Variants in SAXO1 observed in about 807,000 individuals in gnomAD.
The protein encoded by SAXO1 is stabilizer of axonemal microtubules 1.
In SAXO1, 21 loss-of-function variants were observed where a neutral mutation model predicts 17.5. The observed-to-expected ratio is 1.20, with a 90% CI of 0.85 to 1.72. SAXO1 has a LOEUF of 1.72. SAXO1 is among the 40% of genes most tolerant of loss of function. SAXO1 has a pLI of 0.00. For synonymous variants in SAXO1, 274 were observed against 216.5 expected (o/e 1.27, Z -2.33); for missense variants, 843 against 596.0 (o/e 1.41, Z -4.32).
intron 1 of SAXO1, chr9:19,027,683 T>C: frequency 7.4e-7 from 1 of 1,352,188 alleles, no homozygotes; most frequent in South Asian, 1.2e-5. Context: ...CTCCATCATC[T>C]TCACTGATGA....
intron 3 of SAXO1, among the ~76,000 whole-genome samples, chr9:18,931,913 T>A (rs1224814739): frequency 6.6e-6 from 1 of 152,254 alleles, no homozygotes; most frequent in African/African-American, 2.4e-5. Flanking sequence ...ATACAAATCT[T>A]ACACCAGGTA....
At chr9:18,973,588 T>A (rs1435882606) in intron 1 of SAXO1, among the ~76,000 whole-genome samples, 1 of 152,220 alleles carries the variant, frequency 6.6e-6, no homozygotes, top group Non-Finnish European at 1.5e-5. Flanking sequence ...ATGTGCCTGG[T>A]GCTGCACTGG....
At chr9:18,960,824 T>C (rs1002771880) in intron 1 of SAXO1, among the ~76,000 whole-genome samples, 2 of 152,134 alleles carry the variant, frequency 1.3e-5, no homozygotes. Flanking sequence ...AATACATACT[T>C]TATGATTTAA....
intron 1 of SAXO1, among the ~76,000 whole-genome samples, chr9:19,015,133 C>T (rs925557901): frequency 3.9e-5 from 6 of 152,172 alleles, no homozygotes; most frequent in African/African-American, 1.4e-4. Context: ...CAGACAGCAT[C>T]TTTACCTTGC....
Position 18,928,586 on chromosome 9 carries a change from G to T in SAXO1, c.891C>A (p.Pro297=). Residue 297 remains proline (P), a synonymous_variant, in exon 4 of 4, where the codon CCC becomes CCA. Transcript: ENST00000380534. ...FSKAPITYVP[P]EDRMDLLTTV... ...TTGTCAGAAGATCCATCCTGTCTTC[G>T]GGAGGGACGTAGGTGATGGGAGCTT... 1 of 1,614,164 alleles carries T rather than the reference G, an allele frequency of 6.2e-7. No homozygotes were observed. The highest frequency in any genetic ancestry group is 8.5e-7 in the Non-Finnish European group (1 of 1,180,028).
At chr9:18,933,846 A>T (rs1461545031) in intron 3 of SAXO1, among the ~76,000 whole-genome samples, 10 of 152,202 alleles carry the variant, frequency 6.6e-5, no homozygotes, top group South Asian at 2.1e-4. Flanking sequence ...GGAGATCAAG[A>T]CCATCCTGGC....
intron 3 of SAXO1, among the ~76,000 whole-genome samples, chr9:18,938,933 T>C (rs1054314528): frequency 1.9e-4 from 29 of 151,656 alleles, no homozygotes; most frequent in African/African-American, 6.8e-4. Flanking sequence ...CATATAGACC[T>C]CCTCCATCCT....
chr9:19,030,088 G>C (rs1210222353), intron 1 of SAXO1, among the ~76,000 whole-genome samples: 1 of 152,196 alleles, frequency 6.6e-6, no homozygotes. Context: ...GGGAGCCACA[G>C]GGCTGGGTTA....
At chr9:18,981,228 A>G (rs1387042908) in intron 1 of SAXO1, among the ~76,000 whole-genome samples, 1 of 152,206 alleles carries the variant, frequency 6.6e-6, no homozygotes, top group Non-Finnish European at 1.5e-5. Flanking sequence ...GAAGGGAAAG[A>G]AAGGAAGAGA....
At chr9:19,027,591 GC>G (rs1024598552) in intron 1 of SAXO1, 7 of 1,417,036 alleles carry the variant, frequency 4.9e-6, no homozygotes, top group East Asian at 4.6e-5. Context: ...AAGCTGACTG[GC>G]CCCCAGCTGG....
At position 18,927,968 on chromosome 9, in the gene SAXO1, G is replaced by T; in HGVS notation, c.*84C>A. ...TGTTTTTTGTTTTTTGTCATTTTAG[G>T]GAATTCTTTTTTGTCCAACAAATAA... On this transcript the variant is annotated 3_prime_UTR_variant, in exon 4 of 4. Transcript: ENST00000380534. The T allele has an allele frequency of 2.1e-6, 3 of 1,411,536 alleles. No homozygotes were observed. The highest frequency in any genetic ancestry group is 3.4e-5 in the South Asian group (2 of 59,044). 87.4% of individuals were successfully genotyped at this position (1,411,536 alleles called of 1,614,324 possible). A position where few individuals can be genotyped will look rare whatever the true frequency, so the allele number is the denominator to read the frequency against.
chr9:19,022,243 C>A (rs1835270281), intron 1 of SAXO1, among the ~76,000 whole-genome samples: 1 of 152,298 alleles, frequency 6.6e-6, no homozygotes, highest in Non-Finnish European at 1.5e-5. Flanking sequence ...GATCACCAAC[C>A]CACTGGAAGG....
intron 1 of SAXO1, among the ~76,000 whole-genome samples, chr9:19,020,378 T>G (rs1178465809): frequency 6.6e-6 from 1 of 151,758 alleles, no homozygotes; most frequent in Non-Finnish European, 1.5e-5. Context: ...GGGTCTTGCC[T>G]TGTTTCCTGG....
At chr9:19,023,195 T>C (rs976109560) in intron 1 of SAXO1, among the ~76,000 whole-genome samples, 3 of 136,738 alleles carry the variant, frequency 2.2e-5, no homozygotes, top group African/African-American at 5.4e-5. Context: ...CATTTTTTAT[T>C]ACATGCAAGT....
At chr9:19,048,073 A>G (rs1836264153) in intron 1 of SAXO1, among the ~76,000 whole-genome samples, 1 of 152,226 alleles carries the variant, frequency 6.6e-6, no homozygotes, top group African/African-American at 2.4e-5. Context: ...CCATTTTTGA[A>G]CTTCTTTTAC....
chr9:18,979,062 G>T (rs1009427623), intron 1 of SAXO1, among the ~76,000 whole-genome samples: 1 of 152,142 alleles, frequency 6.6e-6, no homozygotes, highest in African/African-American at 2.4e-5. Flanking sequence ...AGGAAACTTA[G>T]ATTATATATG....
At position 19,007,144 on chromosome 9, in the gene SAXO1, C is replaced by A. The variant is rs200720880; in HGVS notation, c.38+25727G>T. 2.0e-5 allele frequency among the ~76,000 whole-genome samples: 3 copies of A among 151,868 alleles called. No individual in the cohort carries two copies. In the East Asian group the frequency reaches 5.8e-4, roughly 29 times the overall value. ...CGGGTGGATCATGAGGTCAAGAGAT[C>A]GAGACCATCCTGGCCAACATGGTGA... On this transcript the variant is annotated intron_variant, in intron 1 of 3. Coordinates refer to ENST00000380534, the MANE Select transcript of SAXO1 (RefSeq NM_153707.4).
intron 1 of SAXO1, among the ~76,000 whole-genome samples, chr9:18,982,981 C>A (rs1833456084): frequency 6.6e-6 from 1 of 151,966 alleles, no homozygotes; most frequent in African/African-American, 2.4e-5. Context: ...CCTAAATCAG[C>A]AGAGGAAATC....
chr9:18,955,650 T>C (rs1053020681), intron 1 of SAXO1, among the ~76,000 whole-genome samples: 1 of 152,184 alleles, frequency 6.6e-6, no homozygotes, highest in African/African-American at 2.4e-5. Flanking sequence ...AAATAACAAA[T>C]AAAGCAGTCT....
Sources: gnomAD v4.1 joint callset for allele counts (sites outside exome capture counted in the v4.1 genomes callset) on GRCh38, gnomAD v4.1.1 for gene constraint, MANE v1.5 for transcripts, NCBI Gene and HGNC (gene_info 2026-07-23, HGNC 2026-07-21) for gene names.